Variants in ZFP91 observed in about 807,000 individuals in gnomAD.
ZFP91 encodes ZFP91 zinc finger protein, atypical E3 ubiquitin ligase, also known as E3 ubiquitin-protein ligase ZFP91.
A neutral mutation model predicts 63.5 loss-of-function variants in ZFP91; 7 were observed. The ratio of observed to expected loss-of-function variants is 0.11; its 90% CI spans 0.06 to 0.21. The LOEUF (loss-of-function observed/expected upper bound fraction) is 0.21. Ranked by LOEUF, ZFP91 falls within the 10% of genes least tolerant of loss-of-function variation. The probability of loss-of-function intolerance (pLI) is 1.00; values close to 1 mark genes in which losing one functional copy is unlikely to be tolerated. For missense variants in ZFP91, 628 were observed against 736.6 expected (o/e 0.85, Z 1.71); for synonymous variants, 330 against 272.1 (o/e 1.21, Z -2.10).
Position 58,617,678 on chromosome 11 carries a change from T to C in ZFP91, c.1685T>C (p.Ile562Thr), listed in dbSNP as rs777608317. ...CTCGGTGCTACCACAGAGGTTCTGA[T>C]TGAAGATTCAGACTCTGCCGGACCT... ...DILGATTEVLIEDSDSAGP is the reference protein window; with the variant it reads ...DILGATTEVLTEDSDSAGP Residue 562 changes from isoleucine (I) to threonine (T), a missense_variant, in exon 11 of 11, where the codon ATT (isoleucine) becomes ACT (threonine). Around this residue, in one of 3 missense-constraint regions of ZFP91, gnomAD observed 115 missense variants for 125.4 expected, o/e 0.92. Transcript: ENST00000316059. This position sits in a 1 kb window ranked among gnomAD's most constrained non-coding sequence, Gnocchi z 4.2. The C allele has an allele frequency of 8.6e-6, 13 of 1,520,288 alleles. No individual in the cohort carries two copies. In the African/African-American group the frequency reaches 1.1e-4, roughly 13 times the overall value. The allele number at this position is 1,520,288 out of a possible 1,614,324, so 94.2% of individuals were successfully genotyped here.
chr11:58,616,860 G>T (rs1565026666), intron 10 of ZFP91, 45 bp downstream of exon 10: 1 of 1,569,630 alleles, frequency 6.4e-7, no homozygotes, highest in East Asian at 2.2e-5. Flanking sequence ...AAGGATATAT[G>T]CCCTACTTGA....
chr11:58,579,891 C>T (rs1855075385), intron 1 of ZFP91, among the ~76,000 whole-genome samples: 1 of 152,148 alleles, frequency 6.6e-6, no homozygotes, highest in South Asian at 2.1e-4. Context: ...AGTGATCCAC[C>T]TCCTCCCTGA....
intron 4 of ZFP91, 48 bp downstream of exon 4, chr11:58,610,382 A>C (rs763819630): frequency 6.7e-7 from 1 of 1,498,930 alleles, no homozygotes; most frequent in South Asian, 1.3e-5. Context: ...GGGACATAGC[A>C]TAGTCACAGT....
intron 1 of ZFP91, among the ~76,000 whole-genome samples, chr11:58,581,783 A>G (rs917854678): frequency 6.6e-6 from 1 of 152,238 alleles, no homozygotes; most frequent in African/African-American, 2.4e-5. Context: ...TTAATTCCAT[A>G]TAACTGTTAC....
At chr11:58,582,102 G>A (rs2134386067) in intron 1 of ZFP91, among the ~76,000 whole-genome samples, 1 of 152,294 alleles carries the variant, frequency 6.6e-6, no homozygotes. Context: ...TGTTTCATCA[G>A]TATCTGGGCC....
chr11:58,611,980 T>TG, intron 6 of ZFP91: 1 of 529,494 alleles, frequency 1.9e-6, no homozygotes, highest in Non-Finnish European at 3.3e-6. Flanking sequence ...TGTTTTTAGA[T>TG]GATACATGGT....
At chr11:58,604,680 G>A (rs1855542708) in intron 2 of ZFP91, among the ~76,000 whole-genome samples, 1 of 152,132 alleles carries the variant, frequency 6.6e-6, no homozygotes, top group Non-Finnish European at 1.5e-5. Flanking sequence ...GCTCAGAACG[G>A]CTTTGAATGT....
chr11:58,604,066 A>G (rs972675844), intron 2 of ZFP91, among the ~76,000 whole-genome samples: 1 of 152,202 alleles, frequency 6.6e-6, no homozygotes, highest in Admixed American at 6.5e-5. Context: ...TATTTTGCAC[A>G]TTGGAAGGAC....
At chr11:58,612,363 A>AT in intron 7 of ZFP91, 35 bp downstream of exon 7, 1 of 1,604,044 alleles carries the variant, frequency 6.2e-7, no homozygotes, top group East Asian at 2.2e-5. Flanking sequence ...TTTACACCTT[A>AT]TTCCAGTACC....
chr11:58,582,216 G>A (rs747185400), intron 1 of ZFP91, among the ~76,000 whole-genome samples: 3 of 152,134 alleles, frequency 2.0e-5, no homozygotes, highest in Non-Finnish European at 4.4e-5. Flanking sequence ...GTGGAGATAT[G>A]TCAAATGTGT....
At chr11:58,580,392 T>C (rs1487615244) in intron 1 of ZFP91, among the ~76,000 whole-genome samples, 1 of 152,238 alleles carries the variant, frequency 6.6e-6, no homozygotes, top group African/African-American at 2.4e-5. Flanking sequence ...AGGAGCATTG[T>C]CTTAAATTGT....
At position 58,612,852 on chromosome 11, in the gene ZFP91, T is replaced by A; in HGVS notation, c.987+12T>A. 1 of 1,606,218 alleles carries A rather than the reference T, an allele frequency of 6.2e-7. No homozygotes were observed. The highest frequency in any genetic ancestry group is 8.5e-7 in the Non-Finnish European group (1 of 1,176,912). On this transcript the variant is annotated intron_variant, in intron 8 of 10. Coordinates refer to ENST00000316059, the MANE Select transcript of ZFP91 (RefSeq NM_053023.5). ...CTCGCTATTTGCAGGTCAGTGAAGTTGTTATATAAGAGCCTTTCAGGTTGT... is the reference window on the plus strand; with the variant it reads ...CTCGCTATTTGCAGGTCAGTGAAGTAGTTATATAAGAGCCTTTCAGGTTGT...
At chr11:58,587,303 C>T (rs1258375196) in intron 2 of ZFP91, among the ~76,000 whole-genome samples, 1 of 152,140 alleles carries the variant, frequency 6.6e-6, no homozygotes, top group Non-Finnish European at 1.5e-5. Flanking sequence ...CTATTCTAGG[C>T]ACTGGATTCT....
intron 2 of ZFP91, among the ~76,000 whole-genome samples, chr11:58,593,662 A>G (rs1165902799): frequency 3.3e-5 from 5 of 152,200 alleles, no homozygotes; most frequent in Non-Finnish European, 5.9e-5. Flanking sequence ...ACAATTCCCA[A>G]TTTTATGTTT....
chr11:58,598,838 A>C (rs1410101261), intron 2 of ZFP91, among the ~76,000 whole-genome samples: 1 of 151,876 alleles, frequency 6.6e-6, no homozygotes, highest in Non-Finnish European at 1.5e-5. Context: ...ACTTGAAAGC[A>C]TACAATTCAG....
At chr11:58,598,748 ACGTG>A (rs1173951411) in intron 2 of ZFP91, among the ~76,000 whole-genome samples, 1 of 123,080 alleles carries the variant, frequency 8.1e-6, no homozygotes, top group Non-Finnish European at 1.7e-5. Context: ...ACTTTTGTGC[ACGTG>A]TGTGTGTGTG....
intron 2 of ZFP91, among the ~76,000 whole-genome samples, chr11:58,606,024 G>A (rs936209564): frequency 2.0e-5 from 3 of 151,818 alleles, no homozygotes; most frequent in Non-Finnish European, 2.9e-5. Flanking sequence ...TTTAATTTCA[G>A]TTATTATACT....
At chr11:58,600,826 A>G (rs1472772167) in intron 2 of ZFP91, among the ~76,000 whole-genome samples, 1 of 152,138 alleles carries the variant, frequency 6.6e-6, no homozygotes, top group African/African-American at 2.4e-5. Flanking sequence ...AGGAAGTTCA[A>G]TTCTATTCCC....
Position 58,579,486 on chromosome 11 carries a change from T to C in ZFP91, c.205T>C (p.Ser69Pro). ...TGCGGCCGCCGCCGCCGCAGCTGTG[T>C]CCCGCCGGAGGAAGGCCGAGTATCC... Reference protein sequence around the residue: ...AAAAAAAAAVSRRRKAEYPRR... With the variant: ...AAAAAAAAAVPRRRKAEYPRR... Residue 69 changes from serine to proline, a missense_variant, in exon 1 of 11, where the codon TCC becomes CCC. Transcript: ENST00000316059. The C allele has an allele frequency of 6.6e-7, 1 of 1,512,568 alleles. No individual in the cohort carries two copies. The highest frequency in any genetic ancestry group is 8.8e-7 in the Non-Finnish European group (1 of 1,135,440). The allele number at this position is 1,512,568 out of a possible 1,614,324, so 93.7% of individuals were successfully genotyped here. A position where few individuals can be genotyped will look rare whatever the true frequency, so the allele number is the denominator to read the frequency against.
Sources: gnomAD v4.1 joint callset for allele counts (sites outside exome capture counted in the v4.1 genomes callset) on GRCh38, gnomAD v4.1.1 for gene constraint, gnomAD v4.1.1 regional missense constraint, Gnocchi (gnomAD v3.1) non-coding constraint, MANE v1.5 for transcripts, NCBI Gene and HGNC (gene_info 2026-07-23, HGNC 2026-07-21) for gene names.